VAV2: variants seen among roughly 807,000 people sequenced by gnomAD.
VAV2 encodes the protein vav guanine nucleotide exchange factor 2, also known as guanine nucleotide exchange factor VAV2.
In VAV2, 67 loss-of-function variants were observed where a neutral mutation model predicts 132.5. The ratio of observed to expected loss-of-function variants is 0.51; its 90% confidence interval spans 0.42 to 0.62. The LOEUF is 0.62. VAV2 is among the 20% of genes least tolerant of loss of function. The pLI, the probability that VAV2 is intolerant of heterozygous loss-of-function variation, is 0.00. For missense variants in VAV2, 938 were observed against 1,153.6 expected, an observed-to-expected ratio of 0.81 and a Z score of 2.71; for synonymous variants, 492 against 443.5, an observed-to-expected ratio of 1.11 and a Z score of -1.37.
Position 133,940,672 on chromosome 9 carries a change from C to CGT in VAV2, c.205-1455_205-1454dup, listed in dbSNP as rs60265901. ...CCTAGAGTCCCTCTCTGTCCACGTG[C>CGT]GTGTGTGTGTGTGTGTGTGTGTGTG... On this transcript the variant is annotated intron_variant, in intron 1 of 29. Coordinates refer to ENST00000371850, the MANE Select transcript of VAV2 (RefSeq NM_001134398.2). Among the ~76,000 whole-genome samples the CGT allele has an allele frequency of 7.6e-3, 1,053 of 139,320 alleles. 7 individuals are homozygous for CGT. The highest frequency in any genetic ancestry group is 0.02 in the African/African-American group (767 of 39,260). 91.4% of individuals were successfully genotyped at this position (139,320 alleles called of 152,430 possible). A position where few individuals can be genotyped will look rare whatever the true frequency, so the allele number is the denominator to read the frequency against.
At chr9:133,895,928 C>CTTTTTT (rs551480342) in intron 2 of VAV2, among the ~76,000 whole-genome samples, 1 of 115,224 alleles carries the variant, frequency 8.7e-6, no homozygotes, top group Non-Finnish European at 1.8e-5. Context: ...ACACTAAAAT[C>CTTTTTT]TTTTTTTTTT....
intron 2 of VAV2, among the ~76,000 whole-genome samples, chr9:133,933,973 T>G (rs1300785292): frequency 2.1e-5 from 3 of 140,482 alleles, no homozygotes; most frequent in Non-Finnish European, 4.6e-5. Flanking sequence ...GATGAATGGA[T>G]GGAAGGATGG....
rs548614714 is a variant in VAV2 at position 133,792,477 on chromosome 9, T to C, written c.1102-608A>G. Among the ~76,000 whole-genome samples, 154 of 91,324 alleles carry C rather than the reference T, an allele frequency of 1.7e-3. 1 individual carries two copies. The highest frequency in any genetic ancestry group is 6.1e-3 in the African/African-American group (142 of 23,220). 59.9% of individuals were successfully genotyped at this position (91,324 alleles called of 152,430 possible). A position where few individuals can be genotyped will look rare whatever the true frequency, so the allele number is the denominator to read the frequency against. On this transcript the variant is annotated intron_variant, in intron 12 of 29. Transcript: ENST00000371850. ...AGGGTGTGTGTGATTGTGTGTGTGA[T>C]TGTGTGAGCAGGTTATGCTGAGTGG...
chr9:133,876,586 G>A (rs927837597), intron 2 of VAV2, among the ~76,000 whole-genome samples: 16 of 152,228 alleles, frequency 1.1e-4, no homozygotes, highest in African/African-American at 3.4e-4. Context: ...GGCCTCGCCT[G>A]GGGCAGTGGG....
At chr9:133,889,411 G>C (rs774588344) in intron 2 of VAV2, among the ~76,000 whole-genome samples, 2 of 152,152 alleles carry the variant, frequency 1.3e-5, no homozygotes, top group Admixed American at 1.3e-4. Context: ...TCAAAGGGGT[G>C]GGGGAAGGCG....
chr9:133,796,012 G>C (rs1297702593), intron 11 of VAV2, among the ~76,000 whole-genome samples: 2 of 152,252 alleles, frequency 1.3e-5, no homozygotes, highest in Admixed American at 6.5e-5. Context: ...AAAAAGCAAG[G>C]CGCTGTGCCA....
intron 2 of VAV2, among the ~76,000 whole-genome samples, chr9:133,878,305 A>G (rs1838346799): frequency 6.6e-6 from 1 of 152,132 alleles, no homozygotes; most frequent in Admixed American, 6.5e-5. Context: ...AACCACACGC[A>G]CTACAGAGCC....
At chr9:133,855,026 T>G (rs998750185) in intron 3 of VAV2, among the ~76,000 whole-genome samples, 1 of 151,772 alleles carries the variant, frequency 6.6e-6, no homozygotes, top group Non-Finnish European at 1.5e-5. Context: ...CAACACCAGA[T>G]GGGAAAAGGG....
chr9:133,912,592 T>C lies in VAV2; in HGVS notation c.321+26511A>G, dbSNP rs1839922549. 6.6e-6 allele frequency among the ~76,000 whole-genome samples: 1 copy of C among 152,188 alleles called. No homozygotes were observed. The highest frequency in any genetic ancestry group is 1.5e-5 in the Non-Finnish European group (1 of 68,036). ...CCTGCACCCTAACGTGTTGCTTCTC[T>C]GCCCATTTCAATCGCGGAACACAAA... On this transcript the variant is annotated intron_variant, in intron 2 of 29. Transcript: ENST00000371850. The surrounding 1 kb of genome is among the most constrained non-coding windows in gnomAD (Gnocchi z 4.3).
rs78231935 is a variant in VAV2 at position 133,907,142 on chromosome 9, C to A, written c.321+31961G>T. On this transcript the variant is annotated intron_variant, in intron 2 of 29. Coordinates refer to ENST00000371850, the MANE Select transcript of VAV2 (RefSeq NM_001134398.2). The stretch of plus-strand genomic sequence containing the variant: ...AAGGCCCCAAACATGTTGCCAAGAG[C>A]AGTGACGACAGGGAGATGGCTGCCG... Among the ~76,000 whole-genome samples the A allele has an allele frequency of 4.1e-3, 621 of 152,348 alleles. 8 individuals are homozygous for A. Among genetic ancestry groups the A allele is most frequent in the African/African-American group, 0.014 (580 of 41,578 alleles).
chr9:133,973,917 T>A (rs1030818888), intron 1 of VAV2, among the ~76,000 whole-genome samples: 3 of 152,030 alleles, frequency 2.0e-5, no homozygotes, highest in Non-Finnish European at 4.4e-5. Flanking sequence ...AACATGGCAA[T>A]TCAGGAGGAA....
rs1365494820 is a variant in VAV2 at position 133,768,631 on chromosome 9, A to T, written c.2435-35T>A. 1 of 1,602,210 alleles carries T rather than the reference A, an allele frequency of 6.2e-7. No homozygotes were observed. The highest frequency in any genetic ancestry group is 2.2e-5 in the East Asian group (1 of 44,472). On this transcript the variant is annotated intron_variant, in intron 28 of 29. Transcript: ENST00000371850. The surrounding 1 kb of genome is among the most constrained non-coding windows in gnomAD (Gnocchi z 5.3). The stretch of plus-strand genomic sequence containing the variant: ...GAGATGGGCAGCATCACACAGCTGC[A>T]GGAGGAGCCCAACCAGTGATCCAGG...
chr9:133,864,541 G>A (rs889491533), intron 2 of VAV2, among the ~76,000 whole-genome samples: 3 of 152,152 alleles, frequency 2.0e-5, no homozygotes, highest in Non-Finnish European at 4.4e-5. Flanking sequence ...CAAGACACCG[G>A]CAGCCCGTCA....
At chr9:133,982,820 A>G (rs1325281400) in intron 1 of VAV2, among the ~76,000 whole-genome samples, 1 of 152,234 alleles carries the variant, frequency 6.6e-6, no homozygotes, top group African/African-American at 2.4e-5. Context: ...ATATGTGAAA[A>G]TGATAACACA....
At chr9:133,855,366 G>A (rs1167996377) in intron 3 of VAV2, among the ~76,000 whole-genome samples, 1 of 152,236 alleles carries the variant, frequency 6.6e-6, no homozygotes, top group East Asian at 1.9e-4. Context: ...GGTGATTTGG[G>A]AAGGCAAAAC....
chr9:133,824,963 T>C lies in VAV2; in HGVS notation c.449+9309A>G, dbSNP rs1018778714. ...CTCCGGGGACGCTGGCTTCATTCAC[T>C]CCATTCTGCCAGTCCCCACAGAGGC... is the stretch of plus-strand genomic sequence containing the variant. On this transcript the variant is annotated intron_variant, in intron 4 of 29. Transcript: ENST00000371850. The surrounding 1 kb of genome is among the most constrained non-coding windows in gnomAD (Gnocchi z 5.2). Among the ~76,000 whole-genome samples, 2 of 152,124 alleles carry C rather than the reference T, an allele frequency of 1.3e-5. No individual in the cohort carries two copies. The highest frequency in any genetic ancestry group is 3.9e-4 in the East Asian group (2 of 5,174).
rs1035038564 is a variant in VAV2 at position 133,941,620 on chromosome 9, G to A, written c.205-2401C>T. 2.9e-4 allele frequency among the ~76,000 whole-genome samples: 39 copies of A among 136,734 alleles called. 1 individual carries two copies. The highest frequency in any genetic ancestry group is 9.3e-4 in the African/African-American group (33 of 35,610). The allele number at this position is 136,734 out of a possible 152,430, so 89.7% of individuals were successfully genotyped here. A position where few individuals can be genotyped will look rare whatever the true frequency, so the allele number is the denominator to read the frequency against. ...GTCCACTTTTTTTTGGGGGGGGGGGGGGACGGAATTTCGCCCTTGTTTCCC... is the reference window on the plus strand; with the variant it reads ...GTCCACTTTTTTTTGGGGGGGGGGGAGGACGGAATTTCGCCCTTGTTTCCC... On this transcript the variant is annotated intron_variant, in intron 1 of 29. Coordinates refer to ENST00000371850, the MANE Select transcript of VAV2 (RefSeq NM_001134398.2).
chr9:133,940,240 C>T (rs1001361082), intron 1 of VAV2, among the ~76,000 whole-genome samples: 3 of 152,162 alleles, frequency 2.0e-5, no homozygotes, highest in Non-Finnish European at 4.4e-5. Flanking sequence ...TGGGAGCCAT[C>T]AGCCCCCCAA....
At chr9:133,940,653 G>GTCCC (rs1369858864) in intron 1 of VAV2, among the ~76,000 whole-genome samples, 1 of 138,910 alleles carries the variant, frequency 7.2e-6, no homozygotes, top group Admixed American at 7.6e-5. Flanking sequence ...TTATCCTAGA[G>GTCCC]TCCCTCTCTG....
Sources: gnomAD v4.1 joint callset for allele counts (sites outside exome capture counted in the v4.1 genomes callset) on GRCh38, gnomAD v4.1.1 for gene constraint, Gnocchi (gnomAD v3.1) non-coding constraint, MANE v1.5 for transcripts, NCBI Gene and HGNC (gene_info 2026-07-23, HGNC 2026-07-21) for gene names.